The following KIAA1549L variants were observed in gnomAD, a reference collection of about 807,000 sequenced individuals.
KIAA1549L encodes KIAA1549 like, also known as UPF0606 protein KIAA1549L.
In KIAA1549L, 88 loss-of-function variants were observed where a neutral mutation model predicts 160.7. The observed-to-expected ratio is 0.55, with a 90% CI of 0.46 to 0.65. KIAA1549L has a LOEUF of 0.65. Ranked by LOEUF, KIAA1549L falls within the 30% of genes least tolerant of loss-of-function variation. The probability of loss-of-function intolerance (pLI) is 0.00; values close to 1 mark genes in which losing one functional copy is unlikely to be tolerated. For synonymous variants in KIAA1549L, 950 were observed against 976.7 expected (o/e 0.97, Z 0.51); for missense variants, 2,258 against 2,437.5 (o/e 0.93, Z 1.55).
At chr11:33,403,315 A>ACG (rs1590221429) in intron 1 of KIAA1549L, 4 of 127,448 alleles carry the variant, frequency 3.1e-5, no homozygotes, top group African/African-American at 1.5e-4. Flanking sequence ...ACACGGACAC[A>ACG]GACACACACG....
chr11:33,557,831 G>C (rs947990343), intron 6 of KIAA1549L, among the ~76,000 whole-genome samples: 1 of 152,162 alleles, frequency 6.6e-6, no homozygotes, highest in Non-Finnish European at 1.5e-5. Flanking sequence ...AGGGTTCAGT[G>C]AGCTACAATA....
Position 33,656,120 on chromosome 11 carries a change from CCTTT to C in KIAA1549L, c.5858+16_5858+19del, listed in dbSNP as rs1178145935. On this transcript the variant is annotated intron_variant, in intron 18 of 20. Transcript: ENST00000658780. ...CGCTTCTCTCAGGCGGTAACACGTTCCTTTCTTTGTTTTGTTTGGAATATTTGGA... is the reference window on the plus strand; with the variant it reads ...CGCTTCTCTCAGGCGGTAACACGTTCCTTTGTTTTGTTTGGAATATTTGGA... The C allele has an allele frequency of 1.1e-5, 17 of 1,601,352 alleles. No individual in the cohort carries two copies. The highest frequency in any genetic ancestry group is 1.7e-5 in the Admixed American group (1 of 59,800).
At chr11:33,445,009 A>G (rs1218284522) in intron 1 of KIAA1549L, among the ~76,000 whole-genome samples, 1 of 152,170 alleles carries the variant, frequency 6.6e-6, no homozygotes, top group Non-Finnish European at 1.5e-5. Flanking sequence ...AGAATGAGTC[A>G]CTCTTGAGCC....
rs79353193 is a variant in KIAA1549L at position 33,588,450 on chromosome 11, A to G, written c.4567-2787A>G. On this transcript the variant is annotated intron_variant, in intron 11 of 20. Transcript: ENST00000658780. Reference sequence around the variant, plus strand: ...TATTTTAAATGAGAGTGACGCAACCACATGTGTTTTAAGGGAGATAATTTT... The same window carrying G: ...TATTTTAAATGAGAGTGACGCAACCGCATGTGTTTTAAGGGAGATAATTTT... Among the ~76,000 whole-genome samples the G allele has an allele frequency of 7.4e-3, 1,124 of 152,288 alleles. 8 individuals carry two copies. Among genetic ancestry groups the G allele is most frequent in the Non-Finnish European group, 0.012 (786 of 68,022 alleles).
chr11:33,435,238 T>G (rs1462520904), intron 1 of KIAA1549L, among the ~76,000 whole-genome samples: 1 of 152,236 alleles, frequency 6.6e-6, no homozygotes, highest in Non-Finnish European at 1.5e-5. Flanking sequence ...TTGCCTTGTA[T>G]CTAGCTAATT....
At chr11:33,637,974 G>A (rs571775780) in intron 16 of KIAA1549L, among the ~76,000 whole-genome samples, 73 of 152,110 alleles carry the variant, frequency 4.8e-4, no homozygotes, top group African/African-American at 1.7e-3. Flanking sequence ...CTCACCTCTG[G>A]GCTTTCCTAC....
intron 11 of KIAA1549L, among the ~76,000 whole-genome samples, chr11:33,590,648 G>T (rs1850025375): frequency 6.6e-6 from 1 of 152,180 alleles, no homozygotes; most frequent in East Asian, 1.9e-4. Context: ...ATTAATGATT[G>T]TACGGCTTCA....
intron 17 of KIAA1549L, among the ~76,000 whole-genome samples, chr11:33,647,375 C>CAAAAAAAAAAAAAAAAAAAAAAAAAAA (rs10578169): frequency 8.7e-6 from 1 of 115,114 alleles, no homozygotes; most frequent in Non-Finnish European, 1.8e-5. Context: ...GACTCTGTCT[C>CAAAAAAAAAAAAAAAAAAAAAAAAAAA]AAAAAAAAAA....
At chr11:33,399,843 G>T (rs1850462809) in intron 1 of KIAA1549L, among the ~76,000 whole-genome samples, 1 of 152,192 alleles carries the variant, frequency 6.6e-6, no homozygotes, top group South Asian at 2.1e-4. Flanking sequence ...GGAGGAGATG[G>T]CCATGTTTGG....
rs1554981526 is a variant in KIAA1549L at position 33,477,520 on chromosome 11, A to ACAC, written c.239-64282_239-64281insCAC. On this transcript the variant is annotated intron_variant, in intron 1 of 20. Transcript: ENST00000658780. ...ACGCAGGTGCACGCACACACACACA[A>ACAC]ACACACACACACACACACACACGAC... 7.2e-3 allele frequency among the ~76,000 whole-genome samples: 1,065 copies of ACAC among 146,990 alleles called. 17 individuals carry two copies. Among genetic ancestry groups the ACAC allele is most frequent in the African/African-American group, 0.021 (855 of 40,080 alleles).
At chr11:33,458,530 G>T (rs1384345346) in intron 1 of KIAA1549L, among the ~76,000 whole-genome samples, 1 of 152,230 alleles carries the variant, frequency 6.6e-6, no homozygotes, top group Non-Finnish European at 1.5e-5. Flanking sequence ...GGCTCAGCTT[G>T]GTGAGGGAGA....
chr11:33,439,556 G>A (rs1053879998), intron 1 of KIAA1549L, among the ~76,000 whole-genome samples: 4 of 148,026 alleles, frequency 2.7e-5, no homozygotes, highest in Non-Finnish European at 5.9e-5. Flanking sequence ...GCGCCCACCA[G>A]CATGCCCGGC....
intron 1 of KIAA1549L, among the ~76,000 whole-genome samples, chr11:33,384,954 TTTA>T (rs1235008387): frequency 6.6e-6 from 1 of 151,456 alleles, no homozygotes; most frequent in African/African-American, 2.4e-5. Context: ...GTTTTTTTTT[TTTA>T]AAAGGAGAGA....
At chr11:33,447,356 G>T (rs1489418225) in intron 1 of KIAA1549L, among the ~76,000 whole-genome samples, 1 of 152,108 alleles carries the variant, frequency 6.6e-6, no homozygotes, top group Non-Finnish European at 1.5e-5. Context: ...GGTTTAGACA[G>T]GTTGTGACAG....
At chr11:33,584,159 G>T (rs1437464227) in intron 11 of KIAA1549L, among the ~76,000 whole-genome samples, 1 of 152,208 alleles carries the variant, frequency 6.6e-6, no homozygotes, top group Non-Finnish European at 1.5e-5. Flanking sequence ...GACCATCCTG[G>T]CACCTTGATC....
rs925238287 is a variant in KIAA1549L, at chr11:33,668,435, G to A, written c.*281G>A. Reference sequence around the variant, plus strand: ...AACTTTGGGCATGTGCCCTATGGAAGCTTAGTCACAAGAGGCACTAGCTAA... The same window carrying A: ...AACTTTGGGCATGTGCCCTATGGAAACTTAGTCACAAGAGGCACTAGCTAA... On this transcript the variant is annotated 3_prime_UTR_variant, in exon 21 of 21. Coordinates refer to ENST00000658780, the MANE Select transcript of KIAA1549L (RefSeq NM_012194.3). 6.4e-6 allele frequency: 3 copies of A among 472,170 alleles called. No individual in the cohort carries two copies. Among genetic ancestry groups the A allele is most frequent in the Non-Finnish European group, 1.1e-5 (3 of 261,874 alleles). The allele number at this position is 472,170 out of a possible 1,614,324, so 29.2% of individuals were successfully genotyped here. A position where few individuals can be genotyped will look rare whatever the true frequency, so the allele number is the denominator to read the frequency against.
At chr11:33,596,704 A>T (rs1048090880) in intron 12 of KIAA1549L, among the ~76,000 whole-genome samples, 2 of 152,186 alleles carry the variant, frequency 1.3e-5, no homozygotes, top group Non-Finnish European at 2.9e-5. Context: ...GCACCACTGC[A>T]CTCCAGGCTG....
intron 8 of KIAA1549L, among the ~76,000 whole-genome samples, chr11:33,564,678 C>A (rs566230242): frequency 6.6e-6 from 1 of 152,322 alleles, no homozygotes; most frequent in African/African-American, 2.4e-5. Flanking sequence ...GCAAAATATC[C>A]CAGACCCAGC....
At chr11:33,404,086 A>C (rs141714455) in intron 1 of KIAA1549L, among the ~76,000 whole-genome samples, 2 of 152,228 alleles carry the variant, frequency 1.3e-5, no homozygotes, top group Admixed American at 6.5e-5. Context: ...GACATGGCCT[A>C]TACTGTTTGT....
Sources: allele counts gnomAD v4.1 joint callset (sites outside exome capture counted in the v4.1 genomes callset), GRCh38; gene constraint gnomAD v4.1.1; transcripts MANE v1.5; gene names NCBI Gene and HGNC (gene_info 2026-07-23, HGNC 2026-07-21).